The following CCR1 variants were observed in gnomAD, a reference collection of about 807,000 sequenced individuals.
CCR1 encodes the protein C-C motif chemokine receptor 1, also known as C-C chemokine receptor type 1.
In CCR1, 1 loss-of-function variant was observed where a neutral mutation model predicts 0.3. The observed-to-expected ratio is 3.70, with a 90% CI of 1.31 to 17.54. The LOEUF (loss-of-function observed/expected upper bound fraction) is 17.54, where lower values mean the gene tolerates loss of function less well. CCR1 is among the 30% of genes most tolerant of loss of function. The pLI is 0.11. For missense variants in CCR1, 349 were observed against 435.4 expected, an observed-to-expected ratio of 0.80 and a Z score of 1.77; for synonymous variants, 207 against 182.5, an observed-to-expected ratio of 1.13 and a Z score of -1.08.
rs1699601024 is a variant in CCR1, at chr3:46,202,126, C to G, written c.*1120G>C. 1 of 152,170 alleles carries G rather than the reference C, an allele frequency of 6.6e-6. No individual in the cohort carries two copies. Among genetic ancestry groups the G allele is most frequent in the Non-Finnish European group, 1.5e-5 (1 of 68,044 alleles). 9.4% of individuals were successfully genotyped at this position (152,170 alleles called of 1,614,324 possible). A position where few individuals can be genotyped will look rare whatever the true frequency, so the allele number is the denominator to read the frequency against. Reference sequence around the variant, plus strand: ...GCCTTCTCGGCCTCCTACATCAACACAGAATCTCACCCCACCCTCCTAGTA... The same window carrying G: ...GCCTTCTCGGCCTCCTACATCAACAGAGAATCTCACCCCACCCTCCTAGTA... On this transcript the variant is annotated 3_prime_UTR_variant, in exon 2 of 2. Coordinates refer to ENST00000296140, the MANE Select transcript of CCR1 (RefSeq NM_001295.3).
Position 46,203,170 on chromosome 3 carries a change from G to A in CCR1, c.*76C>T. On this transcript the variant is annotated 3_prime_UTR_variant, in exon 2 of 2. Coordinates refer to ENST00000296140, the MANE Select transcript of CCR1 (RefSeq NM_001295.3). The surrounding 1 kb of genome is among the most constrained non-coding windows in gnomAD (Gnocchi z 4.5). Reference sequence around the variant, plus strand: ...TGTGCCAAGAGTCAGAACCTGGCTGGGAGAGCCAGGCTGCTGGCTCAGTGT... The same window carrying A: ...TGTGCCAAGAGTCAGAACCTGGCTGAGAGAGCCAGGCTGCTGGCTCAGTGT... 9.3e-7 allele frequency: 1 copy of A among 1,069,918 alleles called. No homozygotes were observed. The allele number at this position is 1,069,918 out of a possible 1,614,324, so 66.3% of individuals were successfully genotyped here.
chr3:46,204,685 C>G (rs1242595311), intron 1 of CCR1, among the ~76,000 whole-genome samples: 1 of 152,200 alleles, frequency 6.6e-6, no homozygotes, highest in Non-Finnish European at 1.5e-5. Context: ...CCCCCATGGC[C>G]TAGGCACTGG....
intron 1 of CCR1, among the ~76,000 whole-genome samples, chr3:46,206,479 A>G (rs186861199): frequency 2.8e-4 from 42 of 152,302 alleles, no homozygotes; most frequent in Admixed American, 6.5e-4. Context: ...TCGGTTTGAT[A>G]GTCAGCACTT....
chr3:46,203,190 C>T lies in CCR1; in HGVS notation c.*56G>A. ...GGCTGGGAGAGCCAGGCTGCTGGCT[C>T]AGTGTGCCTGGCAGGTCACGCCTGC... On this transcript the variant is annotated 3_prime_UTR_variant, in exon 2 of 2. Coordinates refer to ENST00000296140, the MANE Select transcript of CCR1 (RefSeq NM_001295.3). The surrounding 1 kb of genome is among the most constrained non-coding windows in gnomAD (Gnocchi z 4.5). 1 of 1,313,626 alleles carries T rather than the reference C, an allele frequency of 7.6e-7. No individual in the cohort carries two copies. The highest frequency in any genetic ancestry group is 1.1e-6 in the Non-Finnish European group (1 of 932,986). The allele number at this position is 1,313,626 out of a possible 1,614,324, so 81.4% of individuals were successfully genotyped here.
In CCR1 at chr3:46,203,723, C is replaced by G; in HGVS notation, c.591G>C (p.Leu197=). 6.2e-7 allele frequency: 1 copy of G among 1,614,158 alleles called. No individual in the cohort carries two copies. Among genetic ancestry groups the G allele is most frequent in the Non-Finnish European group, 8.5e-7 (1 of 1,180,002 alleles). Residue 197 remains leucine, a synonymous_variant, in exon 2 of 2, where the codon CTG becomes CTC. Coordinates refer to ENST00000296140, the MANE Select transcript of CCR1 (RefSeq NM_001295.3). This position sits in a 1 kb window ranked among gnomAD's most constrained non-coding sequence, Gnocchi z 4.5. ...FPHESLREWK[L]FQALKLNLFG... ...AGAGGTTCAGTTTCAGAGCCTGAAA[C>G]AGCTTCCACTCTCGTAGGCTTTCGT...
intron 1 of CCR1, among the ~76,000 whole-genome samples, chr3:46,205,289 C>T (rs746175158): frequency 6.6e-6 from 1 of 152,102 alleles, no homozygotes; most frequent in Non-Finnish European, 1.5e-5. Context: ...GGTCACTTTG[C>T]AGACCTCCTG....
intron 1 of CCR1, among the ~76,000 whole-genome samples, chr3:46,206,765 CG>C (rs1225806347): frequency 6.6e-6 from 1 of 152,158 alleles, no homozygotes; most frequent in Non-Finnish European, 1.5e-5. Flanking sequence ...GGGTGGGGCC[CG>C]AGAAGAGAAA....
intron 1 of CCR1, among the ~76,000 whole-genome samples, chr3:46,205,836 C>CA (rs1384672563): frequency 6.6e-6 from 1 of 152,064 alleles, no homozygotes; most frequent in African/African-American, 2.4e-5. Flanking sequence ...TTCTTGGGGA[C>CA]CTTCCCTGAG....
At position 46,202,142 on chromosome 3, in the gene CCR1, C is replaced by G. The variant is rs540970427; in HGVS notation, c.*1104G>C. ...ACATCAACACAGAATCTCACCCCAC[C>G]CTCCTAGTAGACACTTTCCTCCCAA... On this transcript the variant is annotated 3_prime_UTR_variant, in exon 2 of 2. Transcript: ENST00000296140. 6.6e-6 allele frequency: 1 copy of G among 152,236 alleles called. No homozygotes were observed. The highest frequency in any genetic ancestry group is 2.1e-4 in the South Asian group (1 of 4,818). 9.4% of individuals were successfully genotyped at this position (152,236 alleles called of 1,614,324 possible). A position where few individuals can be genotyped will look rare whatever the true frequency, so the allele number is the denominator to read the frequency against.
Position 46,203,510 on chromosome 3 carries a change from C to T in CCR1, c.804G>A (p.Leu268=), listed in dbSNP as rs200420481. ...TGCTCTGCTCACACTCATGGGTGAACAGGAAGTCTTGGAAAACAGAAATAA... is the reference window on the plus strand; with the variant it reads ...TGCTCTGCTCACACTCATGGGTGAATAGGAAGTCTTGGAAAACAGAAATAA... The part of the protein sequence containing the change: ...TILISVFQDF[L]FTHECEQSRH... Residue 268 remains leucine, a synonymous_variant, in exon 2 of 2, where the codon CTG becomes CTA. Transcript: ENST00000296140. This position sits in a 1 kb window ranked among gnomAD's most constrained non-coding sequence, Gnocchi z 4.5. 6.2e-7 allele frequency: 1 copy of T among 1,614,144 alleles called. No individual in the cohort carries two copies. Among genetic ancestry groups the T allele is most frequent in the East Asian group, 2.2e-5 (1 of 44,872 alleles).
chr3:46,203,139 C>A lies in CCR1; in HGVS notation c.*107G>T. ...CTCTCTATCCCAAGTGGCTGTGACT[C>A]CATGCTGTGCCAAGAGTCAGAACCT... On this transcript the variant is annotated 3_prime_UTR_variant, in exon 2 of 2. Transcript: ENST00000296140. This position sits in a 1 kb window ranked among gnomAD's most constrained non-coding sequence, Gnocchi z 4.5. The A allele has an allele frequency of 1.3e-6, 1 of 758,148 alleles. No individual in the cohort carries two copies. The highest frequency in any genetic ancestry group is 2.6e-5 in the East Asian group (1 of 38,302). 47.0% of individuals were successfully genotyped at this position (758,148 alleles called of 1,614,324 possible). A position where few individuals can be genotyped will look rare whatever the true frequency, so the allele number is the denominator to read the frequency against.
chr3:46,207,174 G>C (rs901434386), intron 1 of CCR1, among the ~76,000 whole-genome samples: 2 of 152,008 alleles, frequency 1.3e-5, no homozygotes, highest in African/African-American at 4.8e-5. Context: ...TCACTGCCCA[G>C]GCCCCACATT....
chr3:46,204,026 C>G lies in CCR1; in HGVS notation c.288G>C (p.Lys96Asn). The part of the protein sequence containing the change: ...TLPFWIDYKL[K>N]DDWVFGDAMC... ...TGGCATCACCAAAAACCCAGTCATCCTTCAACTTGTAGTCGATCCAGAAGG... is the reference window on the plus strand; with the variant it reads ...TGGCATCACCAAAAACCCAGTCATCGTTCAACTTGTAGTCGATCCAGAAGG... The change falls in exon 2 of 2, where the codon AAG becomes AAC. Residue 96 changes from lysine to asparagine, a missense_variant. By Grantham distance (94) the Lys-to-Asn change is moderately conservative (BLOSUM62 0). Coordinates refer to ENST00000296140, the MANE Select transcript of CCR1 (RefSeq NM_001295.3). 1 of 1,614,202 alleles carries G rather than the reference C, an allele frequency of 6.2e-7. No homozygotes were observed. The highest frequency in any genetic ancestry group is 1.1e-5 in the South Asian group (1 of 91,080).
rs368420597 is a variant in CCR1, at chr3:46,203,887, G to T, written c.427C>A (p.Arg143=). The change falls in exon 2 of 2, where the codon CGG becomes AGG. Residue 143 remains arginine (R), a synonymous_variant. Coordinates refer to ENST00000296140, the MANE Select transcript of CCR1 (RefSeq NM_001295.3). This position sits in a 1 kb window ranked among gnomAD's most constrained non-coding sequence, Gnocchi z 4.5. Reference sequence around the variant, plus strand: ...ACACCAAAAGTGACGGTCCGTGCCCGCAAGGCAAACACGGCGTGGACGATG... The same window carrying T: ...ACACCAAAAGTGACGGTCCGTGCCCTCAAGGCAAACACGGCGTGGACGATG... The part of the protein sequence containing the change: ...LAIVHAVFAL[R]ARTVTFGVIT... 4 of 1,614,152 alleles carry T rather than the reference G, an allele frequency of 2.5e-6. No homozygotes were observed. Among genetic ancestry groups the T allele is most frequent in the East Asian group, 2.2e-5 (1 of 44,882 alleles).
chr3:46,204,908 G>A (rs933598626), intron 1 of CCR1, among the ~76,000 whole-genome samples: 1 of 152,238 alleles, frequency 6.6e-6, no homozygotes, highest in African/African-American at 2.4e-5. Flanking sequence ...GCTTTGCACT[G>A]TGGAGCCCAC....
rs76628634 is a variant in CCR1, at chr3:46,204,105, C to T, written c.209G>A (p.Ser70Asn). Residue 70 changes from serine (S) to asparagine (N), a missense_variant, in exon 2 of 2, where the codon AGC becomes AAC. Coordinates refer to ENST00000296140, the MANE Select transcript of CCR1 (RefSeq NM_001295.3). ...AATGGCCAGGTTCAGGAGGTAGATG[C>T]TGGTCATGTTTTTTAGCCTCTTGTA... ...VQYKRLKNMTSIYLLNLAISD... is the reference protein window; with the variant it reads ...VQYKRLKNMTNIYLLNLAISD... The T allele has an allele frequency of 5.4e-4, 879 of 1,614,092 alleles. 6 individuals carry two copies. In the African/African-American group the frequency reaches 0.011, roughly 20 times the overall value.
chr3:46,202,792 GA>G lies in CCR1; in HGVS notation c.*453del, dbSNP rs375628669. On this transcript the variant is annotated 3_prime_UTR_variant, in exon 2 of 2. Transcript: ENST00000296140. The stretch of plus-strand genomic sequence containing the variant: ...GCAGTGGGAGGGTGGCGGGGGGGGG[GA>G]GGTGATGGAAGAACAGAAATTCCTC... 14,162 of 150,106 alleles carry G rather than the reference GA, an allele frequency of 0.094. 833 individuals are homozygous for G. The highest frequency in any genetic ancestry group is 0.28 in the South Asian group (1,296 of 4,712). 9.3% of individuals were successfully genotyped at this position (150,106 alleles called of 1,614,324 possible).
At position 46,203,059 on chromosome 3, in the gene CCR1, T is replaced by A; in HGVS notation, c.*187A>T. Reference sequence around the variant, plus strand: ...TTCTTTCTACCAGGGGAGAAGTTCATGGAAAAGACTGAAGCCCCAGAAGCC... The same window carrying A: ...TTCTTTCTACCAGGGGAGAAGTTCAAGGAAAAGACTGAAGCCCCAGAAGCC... On this transcript the variant is annotated 3_prime_UTR_variant, in exon 2 of 2. Transcript: ENST00000296140. This position sits in a 1 kb window ranked among gnomAD's most constrained non-coding sequence, Gnocchi z 4.5. 1 of 540,340 alleles carries A rather than the reference T, an allele frequency of 1.9e-6. No individual in the cohort carries two copies. Among genetic ancestry groups the A allele is most frequent in the Non-Finnish European group, 3.3e-6 (1 of 305,140 alleles). 33.5% of individuals were successfully genotyped at this position (540,340 alleles called of 1,614,324 possible).
Position 46,203,778 on chromosome 3 carries a change from G to T in CCR1, c.536C>A (p.Thr179Asn). The T allele has an allele frequency of 6.2e-7, 1 of 1,614,182 alleles. No individual in the cohort carries two copies. The highest frequency in any genetic ancestry group is 8.5e-7 in the Non-Finnish European group (1 of 1,180,018). ...AAAGTGAAGGCTGCAGGTGTGGTGAGTGAATTCCCATTGGGTCTTGGAAAA... is the reference window on the plus strand; with the variant it reads ...AAAGTGAAGGCTGCAGGTGTGGTGATTGAATTCCCATTGGGTCTTGGAAAA... ...LYFSKTQWEFTHHTCSLHFPH... is the reference protein window; with the variant it reads ...LYFSKTQWEFNHHTCSLHFPH... Residue 179 changes from threonine to asparagine, a missense_variant, in exon 2 of 2, where the codon ACT (threonine) becomes AAT (asparagine). Physicochemically the swap from Thr to Asn is moderately conservative, Grantham distance 65. Transcript: ENST00000296140. This position sits in a 1 kb window ranked among gnomAD's most constrained non-coding sequence, Gnocchi z 4.5.
Sources: gnomAD v4.1 joint callset for allele counts (sites outside exome capture counted in the v4.1 genomes callset) on GRCh38, gnomAD v4.1.1 for gene constraint, Gnocchi (gnomAD v3.1) non-coding constraint, MANE v1.5 for transcripts, NCBI Gene and HGNC (gene_info 2026-07-23, HGNC 2026-07-21) for gene names.